EP400: variants seen among roughly 807,000 people sequenced by gnomAD.
EP400 encodes the protein E1A binding protein p400, also known as E1A-binding protein p400.
EP400 carries 105 observed loss-of-function variants against 354.1 expected under a neutral mutation model. The observed-to-expected ratio is 0.30, with a 90% CI of 0.25 to 0.35. The LOEUF (loss-of-function observed/expected upper bound fraction) is 0.35, where lower values mean the gene tolerates loss of function less well. Among genes scored for constraint, EP400 ranks in the 10% least tolerant of loss-of-function variants. The probability of loss-of-function intolerance (pLI) is 1.00; values close to 1 mark genes in which losing one functional copy is unlikely to be tolerated. For missense variants in EP400, 3,280 were observed against 4,121.0 expected (o/e 0.80, Z 5.59); for synonymous variants, 1,646 against 1,716.9 (o/e 0.96, Z 1.02).
intron 16 of EP400, among the ~76,000 whole-genome samples, chr12:132,012,531 C>T (rs1225930922): frequency 6.6e-6 from 1 of 152,210 alleles, no homozygotes; most frequent in Non-Finnish European, 1.5e-5. Context: ...TTAATACTAC[C>T]ACCATGGGCA....
Position 132,050,307 on chromosome 12 carries a change from G to C in EP400, c.7201-16G>C. The C allele has an allele frequency of 3.1e-6, 5 of 1,613,812 alleles. No individual in the cohort carries two copies. The highest frequency in any genetic ancestry group is 4.2e-6 in the Non-Finnish European group (5 of 1,179,894). ...TGCTGCCTAATTCAGATGCACTCTC[G>C]TCAATTTCATTGCAGAGTAAAAACA... On this transcript the variant is annotated splice_polypyrimidine_tract_variant and intron_variant, in intron 39 of 52. Coordinates refer to ENST00000389561, the MANE Select transcript of EP400 (RefSeq NM_015409.5). The surrounding 1 kb of genome is among the most constrained non-coding windows in gnomAD (Gnocchi z 4.8).
chr12:132,074,103 T>C (rs550423883), intron 51 of EP400, among the ~76,000 whole-genome samples: 2 of 151,600 alleles, frequency 1.3e-5, no homozygotes, highest in Non-Finnish European at 2.9e-5. Flanking sequence ...TTTTATATTT[T>C]TAGTAGAGGT....
intron 39 of EP400, 98 bp downstream of exon 39, chr12:132,045,998 C>A: frequency 7.0e-7 from 1 of 1,420,330 alleles, no homozygotes; most frequent in Non-Finnish European, 9.6e-7. Context: ...ACTGACTGGG[C>A]TCCTTCATCC....
rs1032905133 is a variant in EP400, at chr12:132,067,329, G to T, written c.8750-33G>T. 5.0e-6 allele frequency: 8 copies of T among 1,602,188 alleles called. No homozygotes were observed. The African/African-American group carries it at 8.0e-5, about 16-fold the overall frequency. ...GCGTGAGCCTCAAGCTCTTTTCCCA[G>T]TGTGCTGACTAAGGGGCTTTTGCTG... On this transcript the variant is annotated intron_variant, in intron 49 of 52. Coordinates refer to ENST00000389561, the MANE Select transcript of EP400 (RefSeq NM_015409.5). This position sits in a 1 kb window ranked among gnomAD's most constrained non-coding sequence, Gnocchi z 5.3.
Position 132,066,826 on chromosome 12 carries a change from C to T in EP400, c.8606C>T (p.Ala2869Val), listed in dbSNP as rs1895908327. 3 of 1,614,026 alleles carry T rather than the reference C, an allele frequency of 1.9e-6. No homozygotes were observed. The highest frequency in any genetic ancestry group is 2.7e-5 in the African/African-American group (2 of 74,940). The change falls in exon 49 of 53, where the codon GCA (alanine) becomes GTA (valine). Residue 2869 changes from alanine to valine, a missense_variant. Ala to Val is a moderately conservative substitution (Grantham distance 64). Coordinates refer to ENST00000389561, the MANE Select transcript of EP400 (RefSeq NM_015409.5). ...LQAQGQMQTQ[A>V]PQPAQVALAK... ...GCGCAAGGGCAGATGCAGACCCAGG[C>T]ACCCCAGCCAGCCCAGGTGGCCTTG...
rs1022533519 is a variant in EP400, at chr12:132,018,638, G to C, written c.4277+262G>C. Among the ~76,000 whole-genome samples the C allele has an allele frequency of 1.3e-5, 2 of 152,210 alleles. No homozygotes were observed. Among genetic ancestry groups the C allele is most frequent in the African/African-American group, 4.8e-5 (2 of 41,454 alleles). On this transcript the variant is annotated intron_variant, in intron 21 of 52. Coordinates refer to ENST00000389561, the MANE Select transcript of EP400 (RefSeq NM_015409.5). The surrounding 1 kb of genome is among the most constrained non-coding windows in gnomAD (Gnocchi z 4.0). ...CAGTTTTAGGGTAGGGTGGGTGTCA[G>C]GGCTGCATTTGACCTGGTGCCTCGT... is the stretch of plus-strand genomic sequence containing the variant.
At chr12:131,986,872 T>C (rs1892871603) in intron 6 of EP400, 65 bp downstream of exon 6, 1 of 1,521,724 alleles carries the variant, frequency 6.6e-7, no homozygotes, top group Admixed American at 2.0e-5. Flanking sequence ...GTTTTAATTG[T>C]CAAGAATGTG....
rs1896343018 is a variant in EP400 at position 132,080,414 on chromosome 12, T to C, written c.*2741T>C. Reference sequence around the variant, plus strand: ...TGAATAGTAGGATTTTAAAGGGCATTGATAGCATACCAAACAAAAGGCAAA... The same window carrying C: ...TGAATAGTAGGATTTTAAAGGGCATCGATAGCATACCAAACAAAAGGCAAA... On this transcript the variant is annotated 3_prime_UTR_variant, in exon 53 of 53. Coordinates refer to ENST00000389561, the MANE Select transcript of EP400 (RefSeq NM_015409.5). 1.3e-5 allele frequency: 2 copies of C among 152,656 alleles called. No individual in the cohort carries two copies. Among genetic ancestry groups the C allele is most frequent in the African/African-American group, 4.8e-5 (2 of 41,454 alleles). 9.5% of individuals were successfully genotyped at this position (152,656 alleles called of 1,614,324 possible).
intron 10 of EP400, among the ~76,000 whole-genome samples, chr12:131,991,787 G>A (rs1013732556): frequency 3.3e-5 from 5 of 151,256 alleles, no homozygotes; most frequent in African/African-American, 4.9e-5. Flanking sequence ...GGGTTTCACC[G>A]TGTTGCCCAG....
At chr12:132,069,344 G>A in intron 50 of EP400, 151 bp from the exon 51 acceptor site, 1 of 1,087,324 alleles carries the variant, frequency 9.2e-7, no homozygotes, top group South Asian at 1.6e-5. Context: ...GATGGGACAG[G>A]GGGCAGGAGA....
At chr12:132,058,958 A>G (rs1052119502) in intron 45 of EP400, among the ~76,000 whole-genome samples, 1 of 152,098 alleles carries the variant, frequency 6.6e-6, no homozygotes, top group African/African-American at 2.4e-5. Flanking sequence ...GAAAAGGATG[A>G]CTTCTGTTTC....
chr12:131,972,638 AAAG>A (rs1195215135), intron 2 of EP400, among the ~76,000 whole-genome samples: 1 of 152,246 alleles, frequency 6.6e-6, no homozygotes, highest in South Asian at 2.1e-4. Flanking sequence ...AAAAAGATAA[AAAG>A]AACCGTTCTA....
intron 2 of EP400, among the ~76,000 whole-genome samples, chr12:131,979,425 C>G (rs1285276329): frequency 3.3e-5 from 5 of 152,146 alleles, no homozygotes; most frequent in African/African-American, 1.2e-4. Flanking sequence ...TTCCCAAGGA[C>G]TGTAGGTTTG....
At chr12:132,009,724 A>G (rs987645681) in intron 15 of EP400, among the ~76,000 whole-genome samples, 1 of 151,722 alleles carries the variant, frequency 6.6e-6, no homozygotes, top group Admixed American at 6.6e-5. Context: ...CAGTGGTGTG[A>G]TCATGGCTCA....
chr12:131,969,821 G>A lies in EP400; in HGVS notation c.1335+7867G>A, dbSNP rs138042110. Among the ~76,000 whole-genome samples the A allele has an allele frequency of 9.5e-3, 1,453 of 152,196 alleles. 19 individuals carry two copies. The highest frequency in any genetic ancestry group is 0.033 in the African/African-American group (1,362 of 41,524). ...TCCCAGCACTTTGGGAGGCAGAGGC[G>A]GGCAGATCACCTGAAGTCAGGAGTA... On this transcript the variant is annotated intron_variant, in intron 2 of 52. Coordinates refer to ENST00000389561, the MANE Select transcript of EP400 (RefSeq NM_015409.5).
Position 132,064,760 on chromosome 12 carries a change from C to T in EP400, c.8427C>T (p.Ala2809=), listed in dbSNP as rs376450606. 232 of 1,613,612 alleles carry T rather than the reference C, an allele frequency of 1.4e-4. No homozygotes were observed. The highest frequency in any genetic ancestry group is 1.7e-4 in the Non-Finnish European group (199 of 1,179,954). ...AGTCTGCGCCCCCGCAGCCAACAGC[C>T]CAAGTGCAAGTGCAGACCTCGCAGC... The part of the protein sequence containing the change: ...QAQSAPPQPT[A]QVQVQTSQPP... The change falls in exon 48 of 53, where the codon GCC becomes GCT. Residue 2809 remains alanine (A), a synonymous_variant. Coordinates refer to ENST00000389561, the MANE Select transcript of EP400 (RefSeq NM_015409.5).
chr12:131,969,230 A>G (rs1037116235), intron 2 of EP400, among the ~76,000 whole-genome samples: 2 of 152,172 alleles, frequency 1.3e-5, no homozygotes, highest in African/African-American at 4.8e-5. Context: ...AATTTTGTCA[A>G]ATACATCTAT....
At chr12:132,060,559 G>A (rs559172955) in intron 45 of EP400, among the ~76,000 whole-genome samples, 64 of 152,304 alleles carry the variant, frequency 4.2e-4, no homozygotes, top group African/African-American at 1.5e-3. Flanking sequence ...AGCGGGGGTC[G>A]TTGTCGTGCC....
intron 52 of EP400, among the ~76,000 whole-genome samples, chr12:132,077,190 T>C (rs1463564977): frequency 6.6e-6 from 1 of 152,172 alleles, no homozygotes; most frequent in African/African-American, 2.4e-5. Flanking sequence ...AGGCATCTGG[T>C]GTTAGTCTAA....
Sources: allele counts gnomAD v4.1 joint callset (sites outside exome capture counted in the v4.1 genomes callset), GRCh38; gene constraint gnomAD v4.1.1; non-coding constraint Gnocchi (gnomAD v3.1); transcripts MANE v1.5; gene names NCBI Gene and HGNC (gene_info 2026-07-23, HGNC 2026-07-21).